Variants in GMDS observed in about 807,000 individuals in gnomAD.
GMDS encodes GDP-mannose 4,6 dehydratase.
A neutral mutation model predicts 49.9 loss-of-function variants in GMDS; 20 were observed. The ratio of observed to expected loss-of-function variants is 0.40; its 90% CI spans 0.28 to 0.58. GMDS has a LOEUF of 0.58. GMDS is among the 20% of genes least tolerant of loss of function. The pLI, the probability that GMDS is intolerant of heterozygous loss-of-function variation, is 0.42. For synonymous variants in GMDS, 177 were observed against 178.6 expected (o/e 0.99, Z 0.07); for missense variants, 362 against 481.4 (o/e 0.75, Z 2.32).
At position 2,197,412 on chromosome 6, in the gene GMDS, C is replaced by T. The variant is rs536550299; in HGVS notation, c.102+47909G>A. 1.2e-4 allele frequency among the ~76,000 whole-genome samples: 19 copies of T among 152,276 alleles called. No homozygotes were observed. In the South Asian group the frequency reaches 3.9e-3, roughly 32 times the overall value. On this transcript the variant is annotated intron_variant, in intron 1 of 10. Coordinates refer to ENST00000380815, the MANE Select transcript of GMDS (RefSeq NM_001500.4). ...AAGGTAGATAGTTTCAGGGAAAGAC[C>T]ATTTGGCTGGAAGGAGGAGGCTTTG... is the stretch of plus-strand genomic sequence containing the variant.
chr6:2,074,333 A>T (rs540010419), intron 4 of GMDS, among the ~76,000 whole-genome samples: 1 of 152,142 alleles, frequency 6.6e-6, no homozygotes, highest in Non-Finnish European at 1.5e-5. Context: ...TTGTCCATTT[A>T]TGGGCTTTGC....
intron 7 of GMDS, among the ~76,000 whole-genome samples, chr6:1,830,453 G>A (rs1283202116): frequency 6.6e-6 from 1 of 152,196 alleles, no homozygotes; most frequent in Non-Finnish European, 1.5e-5. Context: ...CTTAAGGAGA[G>A]GGAGTATGTG....
intron 7 of GMDS, among the ~76,000 whole-genome samples, chr6:1,925,794 G>A (rs1273644399): frequency 6.6e-6 from 1 of 152,208 alleles, no homozygotes; most frequent in Non-Finnish European, 1.5e-5. Context: ...CACGGACTAG[G>A]TGAGGACAGG....
chr6:2,085,785 C>T (rs915767147), intron 4 of GMDS, among the ~76,000 whole-genome samples: 3 of 152,178 alleles, frequency 2.0e-5, no homozygotes, highest in African/African-American at 7.2e-5. Flanking sequence ...GCCTCGGCTT[C>T]CCAAAGTGCT....
intron 1 of GMDS, among the ~76,000 whole-genome samples, chr6:2,241,038 G>C (rs572676762): frequency 6.6e-6 from 1 of 152,302 alleles, no homozygotes; most frequent in Admixed American, 6.5e-5. Flanking sequence ...TCAGAACAAT[G>C]GGAAAAGACC....
chr6:1,670,599 A>G (rs1724740674), intron 9 of GMDS, among the ~76,000 whole-genome samples: 1 of 152,124 alleles, frequency 6.6e-6, no homozygotes, highest in African/African-American at 2.4e-5. Context: ...AAGCTAGAAT[A>G]TTTTCTAAGT....
intron 7 of GMDS, among the ~76,000 whole-genome samples, chr6:1,872,925 G>T (rs1412809427): frequency 6.6e-6 from 1 of 152,214 alleles, no homozygotes; most frequent in Non-Finnish European, 1.5e-5. Context: ...GCAGCCACAG[G>T]GCTGCAGGAG....
chr6:2,072,016 G>A (rs944828761), intron 4 of GMDS, among the ~76,000 whole-genome samples: 4 of 152,200 alleles, frequency 2.6e-5, no homozygotes, highest in Non-Finnish European at 4.4e-5. Context: ...CTTTATTAGC[G>A]AAGAAACCCA....
intron 1 of GMDS, among the ~76,000 whole-genome samples, chr6:2,138,679 A>G (rs1490706311): frequency 6.6e-6 from 1 of 152,216 alleles, no homozygotes; most frequent in African/African-American, 2.4e-5. Context: ...TTTCTTTATA[A>G]GTTACACGGT....
chr6:1,656,565 CA>C (rs1284851879), intron 9 of GMDS, among the ~76,000 whole-genome samples: 2 of 152,072 alleles, frequency 1.3e-5, no homozygotes, highest in Non-Finnish European at 2.9e-5. Flanking sequence ...AGTTCGAGAC[CA>C]GCCTGACCAA....
intron 1 of GMDS, among the ~76,000 whole-genome samples, chr6:2,224,472 T>C (rs9503129): frequency 2.6e-5 from 4 of 152,242 alleles, no homozygotes; most frequent in African/African-American, 9.6e-5. Context: ...TGCAACCTAA[T>C]TGCTTCCCAA....
chr6:1,944,267 G>A (rs1762953452), intron 6 of GMDS, among the ~76,000 whole-genome samples: 1 of 152,168 alleles, frequency 6.6e-6, no homozygotes. Flanking sequence ...AGCACCTTGG[G>A]AGGCCGAGGC....
chr6:1,795,010 C>T (rs1167825143), intron 7 of GMDS, among the ~76,000 whole-genome samples: 3 of 151,936 alleles, frequency 2.0e-5, no homozygotes, highest in Non-Finnish European at 4.4e-5. Flanking sequence ...GGAAACATAG[C>T]GAAGCCCCAT....
intron 4 of GMDS, among the ~76,000 whole-genome samples, chr6:2,006,827 G>C (rs923913281): frequency 6.6e-6 from 1 of 152,242 alleles, no homozygotes; most frequent in South Asian, 2.1e-4. Flanking sequence ...AATATACGAA[G>C]TTTTGCAAAC....
intron 4 of GMDS, among the ~76,000 whole-genome samples, chr6:1,982,932 G>A (rs1765305556): frequency 6.6e-6 from 1 of 152,082 alleles, no homozygotes; most frequent in African/African-American, 2.4e-5. Flanking sequence ...ACAATGTTAA[G>A]CAAAAAGAAC....
chr6:1,694,704 GA>G (rs1765280638), intron 9 of GMDS, among the ~76,000 whole-genome samples: 1 of 152,320 alleles, frequency 6.6e-6, no homozygotes, highest in Non-Finnish European at 1.5e-5. Context: ...TGTGTTGGCA[GA>G]ATGACATTTC....
chr6:1,742,076 C>T (rs530054142), intron 8 of GMDS, among the ~76,000 whole-genome samples: 2 of 151,606 alleles, frequency 1.3e-5, no homozygotes, highest in East Asian at 4.0e-4. Context: ...CGCGCACCAC[C>T]ACGCCCAGCT....
At chr6:1,802,475 A>G (rs893243346) in intron 7 of GMDS, among the ~76,000 whole-genome samples, 1 of 152,254 alleles carries the variant, frequency 6.6e-6, no homozygotes, top group African/African-American at 2.4e-5. Context: ...TCCAACTATA[A>G]AACAGCTGAA....
chr6:1,888,606 C>A (rs572065621), intron 7 of GMDS, among the ~76,000 whole-genome samples: 7 of 152,226 alleles, frequency 4.6e-5, no homozygotes, highest in African/African-American at 1.7e-4. Context: ...TGGTCTCTCC[C>A]AAATCTCAGG....
Sources: allele counts gnomAD v4.1 joint callset (sites outside exome capture counted in the v4.1 genomes callset), GRCh38; gene constraint gnomAD v4.1.1; transcripts MANE v1.5; gene names NCBI Gene and HGNC (gene_info 2026-07-23, HGNC 2026-07-21).